The following MCTP1 variants were observed in gnomAD, a reference collection of about 807,000 sequenced individuals.
MCTP1 encodes the protein multiple C2 and transmembrane domain containing 1.
Under a neutral mutation model 120.6 loss-of-function variants are expected in MCTP1, and 69 were observed. The observed-to-expected ratio is 0.57, with a 90% CI of 0.47 to 0.70. The LOEUF is 0.70. Ranked by LOEUF, MCTP1 falls within the 30% of genes least tolerant of loss-of-function variation. The pLI, the probability that MCTP1 is intolerant of heterozygous loss-of-function variation, is 0.00. For missense variants in MCTP1, 1,203 were observed against 1,248.8 expected, an observed-to-expected ratio of 0.96 and a Z score of 0.55; for synonymous variants, 529 against 493.1, an observed-to-expected ratio of 1.07 and a Z score of -0.96.
intron 1 of MCTP1, among the ~76,000 whole-genome samples, chr5:95,087,815 T>A (rs1417734976): frequency 2.0e-5 from 3 of 152,142 alleles, no homozygotes; most frequent in Admixed American, 6.5e-5. Context: ...CCCTTCTGAT[T>A]CCATGCTCAT....
intron 10 of MCTP1, among the ~76,000 whole-genome samples, chr5:94,908,337 C>A (rs969691322): frequency 3.3e-5 from 5 of 151,708 alleles, no homozygotes; most frequent in African/African-American, 9.7e-5. Flanking sequence ...CTATATAATC[C>A]TATGAAGAAA....
intron 1 of MCTP1, among the ~76,000 whole-genome samples, chr5:95,264,894 G>C (rs1407488306): frequency 6.6e-6 from 1 of 152,176 alleles, no homozygotes. Context: ...GGTGGCAGGG[G>C]GTGGTGGGGT....
chr5:94,750,362 C>T (rs1018262106), intron 19 of MCTP1, among the ~76,000 whole-genome samples: 25 of 152,150 alleles, frequency 1.6e-4, no homozygotes, highest in African/African-American at 6.0e-4. Context: ...GGTTTTTATT[C>T]TCATTCTCTC....
chr5:94,738,807 C>T (rs988519106), intron 19 of MCTP1, among the ~76,000 whole-genome samples: 1 of 152,174 alleles, frequency 6.6e-6, no homozygotes, highest in Middle Eastern at 3.2e-3. Flanking sequence ...TAAAATATCC[C>T]CTTCTCCACT....
At chr5:95,033,359 C>T (rs984571475) in intron 1 of MCTP1, among the ~76,000 whole-genome samples, 1 of 151,964 alleles carries the variant, frequency 6.6e-6, no homozygotes, top group Non-Finnish European at 1.5e-5. Context: ...TCCAGCAGCA[C>T]CACAAAAGGT....
chr5:94,983,575 G>A (rs553900483), intron 2 of MCTP1, among the ~76,000 whole-genome samples: 1 of 152,254 alleles, frequency 6.6e-6, no homozygotes, highest in Non-Finnish European at 1.5e-5. Flanking sequence ...GGAGGCCAAG[G>A]CAAGATGATC....
chr5:94,819,295 A>G (rs1033181397), intron 17 of MCTP1, among the ~76,000 whole-genome samples: 3 of 151,864 alleles, frequency 2.0e-5, no homozygotes, highest in Non-Finnish European at 4.4e-5. Flanking sequence ...ACACATGGCT[A>G]CTTTTTTGTA....
rs376337689 is a variant in MCTP1, at chr5:95,233,562, C to T, written c.720+50294G>A. 6.1e-3 allele frequency among the ~76,000 whole-genome samples: 935 copies of T among 152,224 alleles called. 12 individuals are homozygous for T. The highest frequency in any genetic ancestry group is 0.021 in the African/African-American group (858 of 41,534). ...GCCAGGATGGTCTCAACCTCCTGAC[C>T]TCGTGATCCGCCCGCCTCGGCCTCC... On this transcript the variant is annotated intron_variant, in intron 1 of 22. Transcript: ENST00000515393.
chr5:95,103,969 T>C (rs1756923688), intron 1 of MCTP1, among the ~76,000 whole-genome samples: 1 of 152,180 alleles, frequency 6.6e-6, no homozygotes, highest in African/African-American at 2.4e-5. Context: ...TGCCTGTCCA[T>C]TCCTGTGATT....
intron 1 of MCTP1, among the ~76,000 whole-genome samples, chr5:95,022,925 G>T (rs575625287): frequency 1.3e-5 from 2 of 152,272 alleles, no homozygotes; most frequent in Admixed American, 1.3e-4. Context: ...ACTCTCAGGA[G>T]GCCTCATAAA....
intron 1 of MCTP1, among the ~76,000 whole-genome samples, chr5:95,266,084 C>G (rs577523347): frequency 1.3e-5 from 2 of 152,286 alleles, no homozygotes; most frequent in Non-Finnish European, 2.9e-5. Context: ...TTGGTAAATG[C>G]TGCAGGCTAC....
intron 21 of MCTP1, chr5:94,709,955 G>A (rs1756225248): frequency 6.6e-6 from 1 of 152,072 alleles, no homozygotes; most frequent in African/African-American, 2.4e-5. Context: ...AAAGAATTTT[G>A]CTTTCAGTGT....
chr5:94,946,715 C>T (rs1003529782), intron 3 of MCTP1, among the ~76,000 whole-genome samples: 3 of 152,078 alleles, frequency 2.0e-5, no homozygotes, highest in African/African-American at 4.8e-5. Context: ...ATCAAGTTAC[C>T]CTTGCCAAAG....
At chr5:94,710,485 C>A in intron 21 of MCTP1, 1 of 223,010 alleles carries the variant, frequency 4.5e-6, no homozygotes, top group Non-Finnish European at 8.7e-6. Flanking sequence ...CTAAATGCAC[C>A]ATATGGATTG....
intron 1 of MCTP1, among the ~76,000 whole-genome samples, chr5:95,191,835 C>T (rs1052981344): frequency 6.6e-6 from 1 of 151,952 alleles, no homozygotes; most frequent in African/African-American, 2.4e-5. Flanking sequence ...TTTTCCTAGG[C>T]TAAAATTTTA....
At chr5:95,105,482 T>TG (rs1757016618) in intron 1 of MCTP1, among the ~76,000 whole-genome samples, 1 of 152,172 alleles carries the variant, frequency 6.6e-6, no homozygotes, top group African/African-American at 2.4e-5. Flanking sequence ...AAGAATCAGT[T>TG]TACACATGGG....
intron 2 of MCTP1, among the ~76,000 whole-genome samples, chr5:94,960,281 A>G (rs2153555531): frequency 6.6e-6 from 1 of 152,344 alleles, no homozygotes; most frequent in Non-Finnish European, 1.5e-5. Context: ...AGGATGGATG[A>G]AAGATTTAAA....
At chr5:94,819,125 T>TCATTCATA (rs1785097775) in intron 17 of MCTP1, among the ~76,000 whole-genome samples, 1 of 151,498 alleles carries the variant, frequency 6.6e-6, no homozygotes, top group Non-Finnish European at 1.5e-5. Flanking sequence ...ATTTATTCAT[T>TCATTCATA]CATTCATTCT....
At chr5:95,126,951 A>G (rs1758677989) in intron 1 of MCTP1, among the ~76,000 whole-genome samples, 1 of 152,198 alleles carries the variant, frequency 6.6e-6, no homozygotes, top group Non-Finnish European at 1.5e-5. Flanking sequence ...ACATTTTATT[A>G]TGTCCGATTT....
Sources: allele counts gnomAD v4.1 joint callset (sites outside exome capture counted in the v4.1 genomes callset), GRCh38; gene constraint gnomAD v4.1.1; transcripts MANE v1.5; gene names NCBI Gene and HGNC (gene_info 2026-07-23, HGNC 2026-07-21).